Variants in CHCHD6 observed in about 807,000 individuals in gnomAD.
The protein encoded by CHCHD6 is coiled-coil-helix-coiled-coil-helix domain containing 6.
Under a neutral mutation model 32.3 loss-of-function variants are expected in CHCHD6, and 28 were observed. The ratio of observed to expected loss-of-function variants is 0.87; its 90% CI spans 0.64 to 1.19. The LOEUF is 1.19. Ranked by LOEUF, CHCHD6 falls within the 50% of genes most tolerant of loss-of-function variation. CHCHD6 has a pLI of 0.00. For missense variants in CHCHD6, 333 were observed against 307.0 expected (o/e 1.08, Z -0.63); for synonymous variants, 122 against 117.5 (o/e 1.04, Z -0.25).
chr3:126,835,067 G>A (rs1208203364), intron 4 of CHCHD6, among the ~76,000 whole-genome samples: 6 of 152,156 alleles, frequency 3.9e-5, no homozygotes. Flanking sequence ...AGTAGCCCGG[G>A]TGGGAGATCC....
At chr3:126,892,795 G>A (rs929232354) in intron 5 of CHCHD6, among the ~76,000 whole-genome samples, 12 of 152,210 alleles carry the variant, frequency 7.9e-5, no homozygotes, top group African/African-American at 2.2e-4. Flanking sequence ...GTAACACAGC[G>A]CACCCATGCC....
At chr3:126,828,219 A>C (rs913490772) in intron 4 of CHCHD6, among the ~76,000 whole-genome samples, 3 of 152,186 alleles carry the variant, frequency 2.0e-5, no homozygotes, top group Non-Finnish European at 4.4e-5. Context: ...TCTGTAAGCT[A>C]AGGACTCTGC....
At chr3:126,820,101 C>A (rs1940085565) in intron 4 of CHCHD6, among the ~76,000 whole-genome samples, 1 of 152,194 alleles carries the variant, frequency 6.6e-6, no homozygotes, top group Admixed American at 6.5e-5. Context: ...ATGCCATGAC[C>A]TATTTTTTTC....
chr3:126,949,440 C>T (rs996751114), intron 6 of CHCHD6: 8 of 219,124 alleles, frequency 3.7e-5, no homozygotes, highest in African/African-American at 7.3e-5. Context: ...GAAGGCTGCA[C>T]GGACTCCTGC....
intron 4 of CHCHD6, among the ~76,000 whole-genome samples, chr3:126,774,520 G>A (rs984225489): frequency 6.6e-5 from 10 of 152,234 alleles, no homozygotes; most frequent in South Asian, 2.1e-4. Context: ...CCACGACTTC[G>A]TGCTCCCCAC....
chr3:126,836,130 C>T (rs1940850989), intron 4 of CHCHD6, among the ~76,000 whole-genome samples: 1 of 152,224 alleles, frequency 6.6e-6, no homozygotes, highest in Non-Finnish European at 1.5e-5. Flanking sequence ...GGCCCCTGTG[C>T]TCATAGAAGG....
Position 126,737,390 on chromosome 3 carries a change from G to GTGTA in CHCHD6, c.411+4169_411+4170insGTAT, listed in dbSNP as rs755051777. Among the ~76,000 whole-genome samples the GTGTA allele has an allele frequency of 4.6e-4, 61 of 132,634 alleles. 1 individual carries two copies. The highest frequency in any genetic ancestry group is 1.6e-3 in the African/African-American group (59 of 36,496). 87.0% of individuals were successfully genotyped at this position (132,634 alleles called of 152,430 possible). A position where few individuals can be genotyped will look rare whatever the true frequency, so the allele number is the denominator to read the frequency against. On this transcript the variant is annotated intron_variant, in intron 4 of 7. Transcript: ENST00000290913. ...TCTTTTATTATTTTATGATGTGTGA[G>GTGTA]TATATATATATATATATATATATAT...
At chr3:126,706,632 C>T (rs1462730471) in intron 1 of CHCHD6, among the ~76,000 whole-genome samples, 2 of 151,974 alleles carry the variant, frequency 1.3e-5, no homozygotes, top group Non-Finnish European at 2.9e-5. Context: ...CACAGCCCCA[C>T]GTTATGAGAG....
At chr3:126,835,764 C>G (rs1940833633) in intron 4 of CHCHD6, among the ~76,000 whole-genome samples, 1 of 152,194 alleles carries the variant, frequency 6.6e-6, no homozygotes, top group African/African-American at 2.4e-5. Flanking sequence ...GTAAGCTCTG[C>G]TTTACCCGAC....
At chr3:126,868,951 G>C (rs918915038) in intron 5 of CHCHD6, among the ~76,000 whole-genome samples, 8 of 152,138 alleles carry the variant, frequency 5.3e-5, no homozygotes, top group African/African-American at 1.2e-4. Context: ...TCACTCCACC[G>C]GTGGCATGTA....
intron 2 of CHCHD6, among the ~76,000 whole-genome samples, chr3:126,730,164 C>A (rs11718954): frequency 3.9e-5 from 6 of 152,284 alleles, no homozygotes; most frequent in Admixed American, 3.9e-4. Flanking sequence ...CTTCCCTTCC[C>A]TATGCCAAAA....
chr3:126,935,166 C>T, intron 6 of CHCHD6: 2 of 987,606 alleles, frequency 2.0e-6, no homozygotes, highest in Non-Finnish European at 2.4e-6. Context: ...CCTTTGGAAA[C>T]ATTTCTGCCT....
intron 5 of CHCHD6, among the ~76,000 whole-genome samples, chr3:126,874,404 G>T (rs569932621): frequency 3.9e-5 from 6 of 152,270 alleles, no homozygotes; most frequent in Non-Finnish European, 5.9e-5. Flanking sequence ...GCTGGCCAAC[G>T]TCTGGGCAGG....
At chr3:126,920,962 C>G (rs2078237884) in intron 6 of CHCHD6, among the ~76,000 whole-genome samples, 1 of 152,070 alleles carries the variant, frequency 6.6e-6, no homozygotes, top group South Asian at 2.1e-4. Flanking sequence ...TGTATTCCAA[C>G]TTAATTTTTT....
chr3:126,826,807 C>T (rs999318041), intron 4 of CHCHD6, among the ~76,000 whole-genome samples: 2 of 152,130 alleles, frequency 1.3e-5, no homozygotes, highest in Non-Finnish European at 2.9e-5. Context: ...GGCATGACCC[C>T]GAGCTTCAAC....
intron 6 of CHCHD6, among the ~76,000 whole-genome samples, chr3:126,927,783 T>TA (rs1325457973): frequency 1.3e-5 from 2 of 152,260 alleles, no homozygotes; most frequent in Non-Finnish European, 2.9e-5. Context: ...TTTCTTTTTT[T>TA]AATCAGTAGA....
intron 6 of CHCHD6, among the ~76,000 whole-genome samples, chr3:126,945,250 C>T (rs1207037494): frequency 6.6e-6 from 1 of 151,916 alleles, no homozygotes; most frequent in Non-Finnish European, 1.5e-5. Context: ...GTTCTGGGAG[C>T]TCTGACCTTC....
intron 5 of CHCHD6, among the ~76,000 whole-genome samples, chr3:126,890,227 A>G (rs2107577525): frequency 6.6e-6 from 1 of 152,358 alleles, no homozygotes; most frequent in South Asian, 2.1e-4. Flanking sequence ...TGCAGAAATC[A>G]TCAATAGCTG....
intron 6 of CHCHD6, among the ~76,000 whole-genome samples, chr3:126,933,267 C>T (rs1471686973): frequency 6.6e-6 from 1 of 152,166 alleles, no homozygotes; most frequent in African/African-American, 2.4e-5. Flanking sequence ...TTCCCCAAGG[C>T]TTCTCTGGTA....
Sources: allele counts gnomAD v4.1 joint callset (sites outside exome capture counted in the v4.1 genomes callset), GRCh38; gene constraint gnomAD v4.1.1; transcripts MANE v1.5; gene names NCBI Gene and HGNC (gene_info 2026-07-23, HGNC 2026-07-21).